CNTN4: variants seen among roughly 807,000 people sequenced by gnomAD.
CNTN4 encodes the protein contactin 4.
Under a neutral mutation model 122.5 loss-of-function variants are expected in CNTN4, and 77 were observed. The ratio of observed to expected loss-of-function variants is 0.63; its 90% confidence interval spans 0.52 to 0.76. CNTN4 has a LOEUF of 0.76. CNTN4 is among the 30% of genes least tolerant of loss of function. CNTN4 has a pLI of 0.00. For synonymous variants in CNTN4, 512 were observed against 447.0 expected, an observed-to-expected ratio of 1.15 and a Z score of -1.83; for missense variants, 1,256 against 1,259.1, an observed-to-expected ratio of 1.00 and a Z score of 0.04.
At chr3:2,863,133 C>G (rs1012051913) in intron 7 of CNTN4, among the ~76,000 whole-genome samples, 15 of 152,282 alleles carry the variant, frequency 9.9e-5, no homozygotes, top group Admixed American at 7.8e-4. Context: ...TGTCTACATT[C>G]TCATTACATT....
intron 2 of CNTN4, among the ~76,000 whole-genome samples, chr3:2,193,954 C>T (rs1313201537): frequency 2.6e-5 from 4 of 152,048 alleles, no homozygotes; most frequent in Non-Finnish European, 4.4e-5. Context: ...TATAATATTC[C>T]CACAATGATA....
At chr3:2,415,214 T>C (rs758629344) in intron 3 of CNTN4, among the ~76,000 whole-genome samples, 3 of 152,212 alleles carry the variant, frequency 2.0e-5, no homozygotes, top group African/African-American at 7.2e-5. Flanking sequence ...GTGTCTATTA[T>C]GTGGCTCCTC....
Position 2,516,536 on chromosome 3 carries a change from C to T in CNTN4, c.-88-54880C>T, listed in dbSNP as rs114088714. On this transcript the variant is annotated intron_variant, in intron 3 of 24. Transcript: ENST00000418658. Reference sequence around the variant, plus strand: ...TAGTTAATAGCTCCAATGGCTTATCCGACTGTTTTATTGTATAGTTAAAAA... The same window carrying T: ...TAGTTAATAGCTCCAATGGCTTATCTGACTGTTTTATTGTATAGTTAAAAA... Among the ~76,000 whole-genome samples the T allele has an allele frequency of 3.2e-3, 483 of 152,034 alleles. 2 individuals are homozygous for T. The highest frequency in any genetic ancestry group is 3.6e-3 in the Non-Finnish European group (244 of 67,968).
chr3:2,396,331 G>C (rs2046639127), intron 3 of CNTN4, among the ~76,000 whole-genome samples: 1 of 152,118 alleles, frequency 6.6e-6, no homozygotes, highest in African/African-American at 2.4e-5. Flanking sequence ...AGCCTAGCCT[G>C]TTTTTAAGTA....
chr3:2,307,379 G>A (rs2042749845), intron 2 of CNTN4, among the ~76,000 whole-genome samples: 1 of 151,774 alleles, frequency 6.6e-6, no homozygotes, highest in East Asian at 1.9e-4. Context: ...AGCTTGCAGT[G>A]GGCCGAGATT....
intron 2 of CNTN4, among the ~76,000 whole-genome samples, chr3:2,309,958 AG>A (rs1352945907): frequency 1.3e-5 from 2 of 152,182 alleles, no homozygotes; most frequent in Non-Finnish European, 2.9e-5. Context: ...AAATAGTAAA[AG>A]CTTACTTGTA....
chr3:2,362,535 G>T, intron 3 of CNTN4: 1 of 600,780 alleles, frequency 1.7e-6, no homozygotes, highest in South Asian at 1.4e-5. Flanking sequence ...TCATTCCTAA[G>T]AAGCCCATTC....
At chr3:2,356,608 C>T (rs1575449289) in intron 3 of CNTN4, among the ~76,000 whole-genome samples, 1 of 152,308 alleles carries the variant, frequency 6.6e-6, no homozygotes, top group East Asian at 1.9e-4. Flanking sequence ...TCAGCAAAGT[C>T]TTTCTGACCT....
At chr3:2,217,511 T>G (rs2038895306) in intron 2 of CNTN4, among the ~76,000 whole-genome samples, 1 of 152,216 alleles carries the variant, frequency 6.6e-6, no homozygotes, top group Non-Finnish European at 1.5e-5. Flanking sequence ...CTGTTTCCTT[T>G]TTGAGTAATC....
intron 2 of CNTN4, among the ~76,000 whole-genome samples, chr3:2,103,115 A>C (rs1311314325): frequency 2.0e-5 from 3 of 152,088 alleles, no homozygotes; most frequent in Non-Finnish European, 4.4e-5. Flanking sequence ...TGTTCATCAT[A>C]GCTAGTAAGT....
In CNTN4 at chr3:2,273,114, G is replaced by A. The variant is rs542546693; in HGVS notation, c.-144-66064G>A. 6.6e-5 allele frequency among the ~76,000 whole-genome samples: 10 copies of A among 152,298 alleles called. No homozygotes were observed. The South Asian group carries it at 2.1e-3, about 32-fold the overall frequency. Reference sequence around the variant, plus strand: ...TATTAAAATCTACAAGTCAGGTGGTGACCAGATTTTGTGATGCCATCCAAA... The same window carrying A: ...TATTAAAATCTACAAGTCAGGTGGTAACCAGATTTTGTGATGCCATCCAAA... On this transcript the variant is annotated intron_variant, in intron 2 of 24. Coordinates refer to ENST00000418658, the MANE Select transcript of CNTN4 (RefSeq NM_175607.3).
intron 3 of CNTN4, among the ~76,000 whole-genome samples, chr3:2,489,053 C>A (rs1381223101): frequency 6.6e-6 from 1 of 152,060 alleles, no homozygotes; most frequent in East Asian, 1.9e-4. Flanking sequence ...TCTGTTTTTG[C>A]AAATTACTTT....
intron 10 of CNTN4, among the ~76,000 whole-genome samples, chr3:2,887,445 GATGT>G (rs371775909): frequency 9.6e-4 from 146 of 152,258 alleles, no homozygotes; most frequent in African/African-American, 3.4e-3. Context: ...ACATTAGGCT[GATGT>G]GTTTGGAGGA....
At chr3:2,136,466 A>G (rs2034697406) in intron 2 of CNTN4, among the ~76,000 whole-genome samples, 1 of 152,198 alleles carries the variant, frequency 6.6e-6, no homozygotes, top group South Asian at 2.1e-4. Flanking sequence ...TTAATGTTTC[A>G]TACTCCAGTA....
intron 2 of CNTN4, among the ~76,000 whole-genome samples, chr3:2,170,174 A>G (rs1281312673): frequency 3.6e-5 from 5 of 140,844 alleles, no homozygotes; most frequent in African/African-American, 1.5e-4. Flanking sequence ...ACAAAAAATT[A>G]GCCGGGCGTG....
chr3:2,826,993 C>T (rs1019358725), intron 7 of CNTN4, among the ~76,000 whole-genome samples: 2 of 152,172 alleles, frequency 1.3e-5, no homozygotes, highest in African/African-American at 4.8e-5. Context: ...ATTTTAACCC[C>T]ACTCTAAACC....
chr3:2,732,368 A>G (rs780513471), intron 4 of CNTN4, among the ~76,000 whole-genome samples: 5 of 152,162 alleles, frequency 3.3e-5, no homozygotes, highest in Non-Finnish European at 7.3e-5. Context: ...ATAATAATGC[A>G]GGTGGTCTAC....
intron 4 of CNTN4, among the ~76,000 whole-genome samples, chr3:2,629,848 T>C (rs1443055418): frequency 6.6e-6 from 1 of 152,146 alleles, no homozygotes; most frequent in Non-Finnish European, 1.5e-5. Flanking sequence ...TGCCACAAAC[T>C]AGTATTAATC....
At chr3:2,336,491 T>C (rs534948815) in intron 2 of CNTN4, among the ~76,000 whole-genome samples, 11 of 152,302 alleles carry the variant, frequency 7.2e-5, no homozygotes, top group African/African-American at 2.2e-4. Flanking sequence ...TGCTCACTTA[T>C]TTGTCTGCCT....
Sources: allele counts gnomAD v4.1 joint callset (sites outside exome capture counted in the v4.1 genomes callset), GRCh38; gene constraint gnomAD v4.1.1; transcripts MANE v1.5; gene names NCBI Gene and HGNC (gene_info 2026-07-23, HGNC 2026-07-21).